The following LRCH1 variants were observed in gnomAD, a reference collection of about 807,000 sequenced individuals.
The protein encoded by LRCH1 is leucine rich repeats and calponin homology domain containing 1, also known as leucine-rich repeat and calponin homology domain-containing protein 1.
In LRCH1, 23 loss-of-function variants were observed where a neutral mutation model predicts 94.9. The ratio of observed to expected loss-of-function variants is 0.24; its 90% CI spans 0.17 to 0.34. The LOEUF is 0.34. Ranked by LOEUF, LRCH1 falls within the 10% of genes least tolerant of loss-of-function variation. LRCH1 has a pLI of 1.00. For synonymous variants in LRCH1, 364 were observed against 354.9 expected (o/e 1.03, Z -0.29); for missense variants, 790 against 945.9 (o/e 0.84, Z 2.16).
intron 1 of LRCH1, among the ~76,000 whole-genome samples, chr13:46,573,483 T>G (rs2050263324): frequency 6.6e-6 from 1 of 152,098 alleles, no homozygotes. Flanking sequence ...ATCCTAAGTG[T>G]CCATCAACAG....
intron 8 of LRCH1, among the ~76,000 whole-genome samples, chr13:46,694,158 T>A (rs1871055746): frequency 6.6e-6 from 1 of 152,240 alleles, no homozygotes; most frequent in Admixed American, 6.5e-5. Flanking sequence ...AAAAGAATTA[T>A]GTAATTTGTT....
At chr13:46,589,336 T>C (rs1413432275) in intron 1 of LRCH1, among the ~76,000 whole-genome samples, 1 of 152,208 alleles carries the variant, frequency 6.6e-6, no homozygotes, top group East Asian at 1.9e-4. Flanking sequence ...GCCTAAGTTC[T>C]TGAGCATCTG....
intron 1 of LRCH1, among the ~76,000 whole-genome samples, chr13:46,610,973 A>G (rs1594284259): frequency 6.6e-6 from 1 of 152,214 alleles, no homozygotes; most frequent in East Asian, 1.9e-4. Context: ...TGTGTATTCA[A>G]CAGGTAACTG....
chr13:46,658,385 C>T (rs1043631681), intron 2 of LRCH1, among the ~76,000 whole-genome samples: 4 of 152,178 alleles, frequency 2.6e-5, no homozygotes, highest in African/African-American at 9.7e-5. Context: ...TTAGCTGACT[C>T]CTAAAAGTTT....
chr13:46,720,254 G>C (rs983627590), intron 16 of LRCH1, among the ~76,000 whole-genome samples: 1 of 151,964 alleles, frequency 6.6e-6, no homozygotes, highest in African/African-American at 2.4e-5. Flanking sequence ...AGGCATGGTG[G>C]TGCAGGCCTG....
At chr13:46,713,932 A>G (rs1347032742) in intron 15 of LRCH1, among the ~76,000 whole-genome samples, 1 of 152,220 alleles carries the variant, frequency 6.6e-6, no homozygotes, top group African/African-American at 2.4e-5. Context: ...AAAGCATGGC[A>G]TAATTGAGCA....
intron 1 of LRCH1, among the ~76,000 whole-genome samples, chr13:46,622,399 C>A (rs1241358981): frequency 6.6e-6 from 1 of 152,132 alleles, no homozygotes; most frequent in Non-Finnish European, 1.5e-5. Context: ...GTGTAATTTG[C>A]ATCTTTCCTA....
intron 1 of LRCH1, among the ~76,000 whole-genome samples, chr13:46,610,775 G>C (rs890028513): frequency 1.3e-5 from 2 of 152,092 alleles, no homozygotes; most frequent in Admixed American, 6.5e-5. Context: ...TTGCAGTTGT[G>C]AATTGTGCAG....
At chr13:46,685,094 C>A (rs1288757511) in intron 4 of LRCH1, among the ~76,000 whole-genome samples, 2 of 152,190 alleles carry the variant, frequency 1.3e-5, no homozygotes, top group African/African-American at 4.8e-5. Context: ...AGTTCCGAGG[C>A]CTCGTTCTGG....
chr13:46,623,686 T>A (rs1347152192), intron 1 of LRCH1, among the ~76,000 whole-genome samples: 3 of 115,690 alleles, frequency 2.6e-5, no homozygotes, highest in Non-Finnish European at 5.4e-5. Context: ...TTGTGTACCC[T>A]GTCTCTGTTT....
chr13:46,632,066 A>C (rs2051024342), intron 1 of LRCH1, among the ~76,000 whole-genome samples: 1 of 152,058 alleles, frequency 6.6e-6, no homozygotes, highest in Non-Finnish European at 1.5e-5. Flanking sequence ...AACTCCGTAT[A>C]GTGGTGCATG....
chr13:46,558,974 G>A (rs2050100680), intron 1 of LRCH1, among the ~76,000 whole-genome samples: 1 of 152,172 alleles, frequency 6.6e-6, no homozygotes, highest in African/African-American at 2.4e-5. Context: ...TCTCTCAAAT[G>A]TCTGTACAGA....
At chr13:46,556,895 G>A (rs901553243) in intron 1 of LRCH1, among the ~76,000 whole-genome samples, 2 of 152,192 alleles carry the variant, frequency 1.3e-5, no homozygotes, top group Non-Finnish European at 2.9e-5. Flanking sequence ...GGACACAACA[G>A]TGACCAAAAG....
intron 9 of LRCH1, 45 bp from the exon 10 acceptor site, chr13:46,699,291 T>C: frequency 6.6e-7 from 1 of 1,522,636 alleles, no homozygotes; most frequent in Non-Finnish European, 9.1e-7. Flanking sequence ...TCCTGACTAC[T>C]GAGTAGCCAA....
chr13:46,674,126 A>G (rs2051639889), intron 3 of LRCH1, among the ~76,000 whole-genome samples: 1 of 152,206 alleles, frequency 6.6e-6, no homozygotes, highest in Non-Finnish European at 1.5e-5. Flanking sequence ...TGAACATTCC[A>G]GAGTCAGCAA....
Position 46,553,242 on chromosome 13 carries a change from C to CCATCAA in LRCH1, c.-155_-154insCATCAA. On this transcript the variant is annotated 5_prime_UTR_variant, in exon 1 of 20. Transcript: ENST00000389797. ...CACGGCCGCCTCCCCGCCCGCCCCCCATTCTACGCGCCTGCCCACACCCTC... is the reference window on the plus strand; with the variant it reads ...CACGGCCGCCTCCCCGCCCGCCCCCCCATCAAATTCTACGCGCCTGCCCACACCCTC... 7.0e-6 allele frequency: 4 copies of CCATCAA among 568,632 alleles called. No homozygotes were observed. Among genetic ancestry groups the CCATCAA allele is most frequent in the Non-Finnish European group, 9.2e-6 (3 of 324,430 alleles). 35.2% of individuals were successfully genotyped at this position (568,632 alleles called of 1,614,324 possible).
At chr13:46,622,669 T>C (rs1436972041) in intron 1 of LRCH1, among the ~76,000 whole-genome samples, 1 of 152,204 alleles carries the variant, frequency 6.6e-6, no homozygotes, top group Non-Finnish European at 1.5e-5. Context: ...ACTGAGAACC[T>C]GTAAGGTGAC....
intron 2 of LRCH1, among the ~76,000 whole-genome samples, chr13:46,653,191 A>G (rs2051328227): frequency 6.6e-6 from 1 of 152,214 alleles, no homozygotes; most frequent in African/African-American, 2.4e-5. Flanking sequence ...CTCTTCAAAT[A>G]TGGTTTACAG....
At chr13:46,671,296 T>C (rs2051598244) in intron 3 of LRCH1, among the ~76,000 whole-genome samples, 1 of 152,222 alleles carries the variant, frequency 6.6e-6, no homozygotes, top group South Asian at 2.1e-4. Flanking sequence ...CCATACTTAT[T>C]ACTCAATTTT....
Sources: gnomAD v4.1 joint callset for allele counts (sites outside exome capture counted in the v4.1 genomes callset) on GRCh38, gnomAD v4.1.1 for gene constraint, MANE v1.5 for transcripts, NCBI Gene and HGNC (gene_info 2026-07-23, HGNC 2026-07-21) for gene names.